Variants in MSANTD1 observed in about 807,000 individuals in gnomAD.
MSANTD1 encodes Myb/SANT DNA binding domain containing 1.
Under a neutral mutation model 24.2 loss-of-function variants are expected in MSANTD1, and 7 were observed. The ratio of observed to expected loss-of-function variants is 0.29; its 90% confidence interval spans 0.16 to 0.54. The LOEUF (loss-of-function observed/expected upper bound fraction) is 0.54. Among genes scored for constraint, MSANTD1 ranks in the 20% least tolerant of loss-of-function variants. The probability of loss-of-function intolerance (pLI) is 0.94; values close to 1 mark genes in which losing one functional copy is unlikely to be tolerated. For missense variants in MSANTD1, 384 were observed against 408.2 expected (o/e 0.94, Z 0.51); for synonymous variants, 177 against 181.1 (o/e 0.98, Z 0.18).
intron 1 of MSANTD1, among the ~76,000 whole-genome samples, 187 bp from the exon 2 acceptor site, chr4:3,253,020 C>T (rs1722275658): frequency 6.6e-6 from 1 of 152,040 alleles, no homozygotes; most frequent in Admixed American, 6.5e-5. Flanking sequence ...GTCCTGAAGC[C>T]CAGCTTCTTT....
intron 1 of MSANTD1, among the ~76,000 whole-genome samples, chr4:3,250,458 TGAA>T (rs1165444073): frequency 1.3e-5 from 2 of 151,636 alleles, no homozygotes; most frequent in African/African-American, 4.8e-5. Flanking sequence ...CATGGTGGGG[TGAA>T]GGTCTCAGGC....
At chr4:3,245,744 G>A (rs1722005590), upstream of MSANTD1, among the ~76,000 whole-genome samples, 1 of 152,224 alleles carries the variant, frequency 6.6e-6, no homozygotes, top group Non-Finnish European at 1.5e-5. Flanking sequence ...CTGCCTTTTG[G>A]GCAAGTGGCT....
rs368083865 is a variant in MSANTD1, at chr4:3,249,296, C to T, written c.74C>T (p.Ala25Val). Residue 25 changes from alanine (A) to valine (V), a missense_variant, in exon 1 of 3, where the codon GCG becomes GTG. Ala to Val is a moderately conservative substitution (Grantham distance 64, BLOSUM62 0). Transcript: ENST00000438480. ...CCCACAGGCGCCTCCGGCATGGCGG[C>T]GGCCGAGGGGCCCGGCTACCTCGTG... ...SHPTGASGMAAAEGPGYLVSP... is the reference protein window; with the variant it reads ...SHPTGASGMAVAEGPGYLVSP... 13 of 1,530,330 alleles carry T rather than the reference C, an allele frequency of 8.5e-6. No individual in the cohort carries two copies. The highest frequency in any genetic ancestry group is 1.1e-5 in the Non-Finnish European group (13 of 1,133,772). 94.8% of individuals were successfully genotyped at this position (1,530,330 alleles called of 1,614,324 possible).
In MSANTD1 at chr4:3,249,323, C is replaced by G; in HGVS notation, c.101C>G (p.Ser34Cys). Residue 34 changes from serine to cysteine, a missense_variant, in exon 1 of 3, where the codon TCT becomes TGT. Ser to Cys is a moderately radical substitution (Grantham distance 112). Transcript: ENST00000438480. ...AAAEGPGYLV[S>C]PQAEKHRRAR... ...GCCGAGGGGCCCGGCTACCTCGTGT[C>G]TCCCCAGGCGGAGAAGCACCGGCGG... 1 of 1,547,604 alleles carries G rather than the reference C, an allele frequency of 6.5e-7. No homozygotes were observed. Among genetic ancestry groups the G allele is most frequent in the African/African-American group, 1.4e-5 (1 of 73,434 alleles).
rs140960040 is a variant in MSANTD1 at position 3,253,668 on chromosome 4, C to T, written c.596+186C>T. 4.1e-3 allele frequency among the ~76,000 whole-genome samples: 617 copies of T among 152,320 alleles called. 2 individuals are homozygous for T. Among genetic ancestry groups the T allele is most frequent in the Middle Eastern group, 6.8e-3 (2 of 294 alleles). ...AGGGCTTTAGTGTCCACAGGCAGACCGAGTTTGTCTCCCAGCTCCATCACT... is the reference window on the plus strand; with the variant it reads ...AGGGCTTTAGTGTCCACAGGCAGACTGAGTTTGTCTCCCAGCTCCATCACT... On this transcript the variant is annotated intron_variant, in intron 2 of 2. Coordinates refer to ENST00000438480, the MANE Select transcript of MSANTD1 (RefSeq NM_001042690.2).
chr4:3,253,543 A>G, intron 2 of MSANTD1, 61 bp downstream of exon 2: 1 of 1,426,026 alleles, frequency 7.0e-7, no homozygotes, highest in Non-Finnish European at 9.2e-7. Flanking sequence ...CATTTAGAGA[A>G]AGGGACTGGG....
rs551716350 is a variant in MSANTD1 at position 3,254,747 on chromosome 4, G to A, written c.597-978G>A. 2.6e-5 allele frequency among the ~76,000 whole-genome samples: 4 copies of A among 152,352 alleles called. No individual in the cohort carries two copies. In the East Asian group the frequency reaches 7.7e-4, roughly 29 times the overall value. On this transcript the variant is annotated intron_variant, in intron 2 of 2. Coordinates refer to ENST00000438480, the MANE Select transcript of MSANTD1 (RefSeq NM_001042690.2). ...TACTCACCACCTCTACCAGAGCTCT[G>A]AGGTCCTGGGGAGAGAGCCCAGGCC...
intron 1 of MSANTD1, among the ~76,000 whole-genome samples, chr4:3,249,806 G>T (rs1722164469): frequency 1.3e-5 from 2 of 152,234 alleles, no homozygotes; most frequent in Non-Finnish European, 2.9e-5. Flanking sequence ...GGTAGCAGGG[G>T]TGGGGCTGGT....
upstream of MSANTD1, chr4:3,247,608 G>A (rs566938485): frequency 1.3e-5 from 2 of 152,542 alleles, no homozygotes; most frequent in South Asian, 4.1e-4. Context: ...CAGGCAGTAG[G>A]GATGATGTCT....
At chr4:3,246,232 T>C (rs529987777), upstream of MSANTD1, among the ~76,000 whole-genome samples, 2 of 152,282 alleles carry the variant, frequency 1.3e-5, no homozygotes, top group Admixed American at 6.5e-5. Context: ...ACCCAAGCCC[T>C]GAACTCCTCA....
Position 3,249,376 on chromosome 4 carries a change from C to T in MSANTD1, c.154C>T (p.Arg52Cys), listed in dbSNP as rs1204563199. 43 of 1,575,728 alleles carry T rather than the reference C, an allele frequency of 2.7e-5. No homozygotes were observed. Among genetic ancestry groups the T allele is most frequent in the Non-Finnish European group, 3.7e-5 (43 of 1,161,488 alleles). Reference sequence around the variant, plus strand: ...CCGCAACTGGACGGACGCCGAGATGCGCGGCCTCATGCTGGTCTGGGAGGA... The same window carrying T: ...CCGCAACTGGACGGACGCCGAGATGTGCGGCCTCATGCTGGTCTGGGAGGA... ...RARNWTDAEM[R>C]GLMLVWEEFF... The change falls in exon 1 of 3, where the codon CGC (arginine) becomes TGC (cysteine). Residue 52 changes from arginine to cysteine, a missense_variant. Arg to Cys is a radical substitution (Grantham distance 180, BLOSUM62 -3). Coordinates refer to ENST00000438480, the MANE Select transcript of MSANTD1 (RefSeq NM_001042690.2).
upstream of MSANTD1, among the ~76,000 whole-genome samples, chr4:3,245,602 G>A (rs1721997061): frequency 6.6e-6 from 1 of 152,222 alleles, no homozygotes; most frequent in South Asian, 2.1e-4. Flanking sequence ...CCACGAGTCT[G>A]GTCCATGAGC....
upstream of MSANTD1, chr4:3,244,369 C>G (rs1003253283): frequency 5.9e-5 from 9 of 152,350 alleles, no homozygotes; most frequent in African/African-American, 2.2e-4. Flanking sequence ...AGGCCCAGCA[C>G]AGAGACTAGA....
upstream of MSANTD1, among the ~76,000 whole-genome samples, chr4:3,247,227 C>A (rs561047180): frequency 6.6e-6 from 1 of 152,292 alleles, no homozygotes; most frequent in East Asian, 1.9e-4. Flanking sequence ...GATCCTGTTA[C>A]CCCTGTTGTG....
upstream of MSANTD1, chr4:3,245,314 C>A (rs908108570): frequency 2.0e-5 from 3 of 152,604 alleles, no homozygotes; most frequent in Non-Finnish European, 4.4e-5. Flanking sequence ...CCTGTGCCTT[C>A]GGTGGTATTT....
chr4:3,244,653 G>A (rs949544067), upstream of MSANTD1: 2 of 152,296 alleles, frequency 1.3e-5, no homozygotes, highest in African/African-American at 2.4e-5. Flanking sequence ...GATTGGTGGT[G>A]TAGTCATCTT....
chr4:3,249,006 A>C, upstream of MSANTD1: 6 of 410,528 alleles, frequency 1.5e-5, no homozygotes, highest in South Asian at 1.0e-4. Context: ...GCTCGCCGCA[A>C]TATTGATGGC....
chr4:3,254,093 G>A (rs1161138772), intron 2 of MSANTD1, among the ~76,000 whole-genome samples: 5 of 152,228 alleles, frequency 3.3e-5, no homozygotes, highest in African/African-American at 7.2e-5. Context: ...AGACACCTGC[G>A]GGGTGGGCCT....
At chr4:3,251,923 C>T (rs1348742564) in intron 1 of MSANTD1, among the ~76,000 whole-genome samples, 29 of 152,336 alleles carry the variant, frequency 1.9e-4, no homozygotes, top group Admixed American at 1.3e-3. Context: ...TGCCCTCACA[C>T]GCTCTGTGCT....
Sources: gnomAD v4.1 joint callset for allele counts (sites outside exome capture counted in the v4.1 genomes callset) on GRCh38, gnomAD v4.1.1 for gene constraint, MANE v1.5 for transcripts, NCBI Gene and HGNC (gene_info 2026-07-23, HGNC 2026-07-21) for gene names.